The following RNF20 variants were observed in gnomAD, a reference collection of about 807,000 sequenced individuals.
The protein encoded by RNF20 is ring finger protein 20.
In RNF20, 84 loss-of-function variants were observed where a neutral mutation model predicts 126.2. The ratio of observed to expected loss-of-function variants is 0.67; its 90% CI spans 0.56 to 0.80. The LOEUF (loss-of-function observed/expected upper bound fraction) is 0.80, where lower values mean the gene tolerates loss of function less well. Ranked by LOEUF, RNF20 falls within the 30% of genes least tolerant of loss-of-function variation. The pLI is 0.00. For synonymous variants in RNF20, 400 were observed against 414.3 expected (o/e 0.97, Z 0.42); for missense variants, 869 against 1,188.2 (o/e 0.73, Z 3.95).
intron 16 of RNF20, among the ~76,000 whole-genome samples, 193 bp downstream of exon 16, chr9:101,557,789 A>G (rs1283608593): frequency 6.6e-6 from 1 of 152,220 alleles, no homozygotes; most frequent in Non-Finnish European, 1.5e-5. Context: ...AGTACAGTGT[A>G]CTTGTCAAAT....
chr9:101,541,083 TA>T, intron 5 of RNF20, 108 bp downstream of exon 5: 4 of 815,214 alleles, frequency 4.9e-6, no homozygotes, highest in Non-Finnish European at 7.0e-6. Context: ...ATTTATTTAT[TA>T]TTTACTTTTT....
chr9:101,534,937 C>G (rs1169351199), intron 1 of RNF20, among the ~76,000 whole-genome samples: 1 of 149,482 alleles, frequency 6.7e-6, no homozygotes, highest in Non-Finnish European at 1.5e-5. Context: ...AGACGGAGTC[C>G]CGCTCTGTTG....
intron 2 of RNF20, among the ~76,000 whole-genome samples, chr9:101,539,874 C>T (rs1827232588): frequency 1.3e-5 from 2 of 151,946 alleles, no homozygotes; most frequent in Admixed American, 6.6e-5. Flanking sequence ...ATGGTGCTTA[C>T]GAGATAGAAG....
chr9:101,535,064 C>A (rs1197160426), intron 1 of RNF20, among the ~76,000 whole-genome samples: 1 of 151,888 alleles, frequency 6.6e-6, no homozygotes, highest in Non-Finnish European at 1.5e-5. Flanking sequence ...CCCGCCACCA[C>A]GCCTGGCTAA....
At chr9:101,550,184 G>T (rs1360267324) in intron 9 of RNF20, among the ~76,000 whole-genome samples, 3 of 152,210 alleles carry the variant, frequency 2.0e-5, no homozygotes, top group African/African-American at 7.2e-5. Context: ...AAGTGTTTGA[G>T]TAATTAAATC....
rs1564113812 is a variant in RNF20, at chr9:101,562,002, G to A, written c.2742G>A (p.Lys914=). 1.2e-6 allele frequency: 2 copies of A among 1,605,158 alleles called. No homozygotes were observed. The highest frequency in any genetic ancestry group is 1.7e-6 in the Non-Finnish European group (2 of 1,176,150). ...KCDEILMEEI[K]DYKARLTCPC... ...ATGAGATTCTGATGGAAGAGATTAA[G>A]GATTACAAGGTTAGAAAAAATGCCT... Residue 914 remains lysine (K), a synonymous_variant, in exon 19 of 20, where the codon AAG becomes AAA. Coordinates refer to ENST00000389120, the MANE Select transcript of RNF20 (RefSeq NM_019592.7).
chr9:101,550,528 G>A, intron 9 of RNF20, 78 bp from the exon 10 acceptor site: 2 of 1,235,306 alleles, frequency 1.6e-6, no homozygotes, highest in South Asian at 1.4e-5. Flanking sequence ...ACATCAGTGA[G>A]TTCAAAATTT....
rs1401894064 is a variant in RNF20, at chr9:101,557,615, G to A, written c.2382+19G>A. On this transcript the variant is annotated intron_variant, in intron 16 of 19. Coordinates refer to ENST00000389120, the MANE Select transcript of RNF20 (RefSeq NM_019592.7). ...GACTCAGGTAATTAGGATGAGTAGA[G>A]CTTTCTATTCTGTTGAAATAGGGTG... 4 of 1,551,172 alleles carry A rather than the reference G, an allele frequency of 2.6e-6. No individual in the cohort carries two copies. In the African/African-American group the frequency reaches 4.1e-5, roughly 16 times the overall value.
Position 101,552,262 on chromosome 9 carries a change from G to A in RNF20, c.1530G>A (p.Lys510=). The A allele has an allele frequency of 6.2e-7, 1 of 1,614,164 alleles. No homozygotes were observed. The highest frequency in any genetic ancestry group is 8.5e-7 in the Non-Finnish European group (1 of 1,180,014). ...KLREAQSDLN[K]TRLRSGSALL... Reference sequence around the variant, plus strand: ...GAGAAGCCCAGTCTGACCTGAACAAGGTAACCAGAGGGAATAGAATAAATA... The same window carrying A: ...GAGAAGCCCAGTCTGACCTGAACAAAGTAACCAGAGGGAATAGAATAAATA... Residue 510 remains lysine, a splice_region_variant and synonymous_variant, in exon 12 of 20, where the codon AAG becomes AAA. Coordinates refer to ENST00000389120, the MANE Select transcript of RNF20 (RefSeq NM_019592.7).
chr9:101,540,286 A>G lies in RNF20; in HGVS notation c.213A>G (p.Glu71=), dbSNP rs150763272. ...ATCAGCGGCAGGCCATTGAAGATGAACTTCGTGAGCACATTGAAAAACTGG... is the reference window on the plus strand; with the variant it reads ...ATCAGCGGCAGGCCATTGAAGATGAGCTTCGTGAGCACATTGAAAAACTGG... ...MLDQRQAIED[E]LREHIEKLER... is the part of the protein sequence containing the mutation. Residue 71 remains glutamate, a synonymous_variant, in exon 3 of 20, where the codon GAA becomes GAG. Transcript: ENST00000389120. 67 of 1,614,190 alleles carry G rather than the reference A, an allele frequency of 4.2e-5. 1 individual carries two copies. The African/African-American group carries it at 7.6e-4, about 18-fold the overall frequency.
At chr9:101,543,418 AGCGGCACTGTCTAACTCTGCCAGG>A (rs1827289099) in intron 5 of RNF20, among the ~76,000 whole-genome samples, 1 of 110,110 alleles carries the variant, frequency 9.1e-6, no homozygotes, top group African/African-American at 3.3e-5. Flanking sequence ...AACCTGCCAG[AGCGGCACTGTCTAACTCTGCCAGG>A]GCGGCACTGT....
chr9:101,552,917 T>C (rs1230013265), intron 13 of RNF20, among the ~76,000 whole-genome samples, 164 bp downstream of exon 13: 1 of 152,184 alleles, frequency 6.6e-6, no homozygotes, highest in Non-Finnish European at 1.5e-5. Context: ...CCAAAATGGC[T>C]TGCATGGCTA....
intron 6 of RNF20, among the ~76,000 whole-genome samples, chr9:101,546,403 C>A (rs1243381903): frequency 6.6e-6 from 1 of 151,896 alleles, no homozygotes; most frequent in African/African-American, 2.4e-5. Flanking sequence ...AATGGATTAC[C>A]TTTTGTGGGA....
At chr9:101,556,019 T>C (rs921333923) in intron 15 of RNF20, among the ~76,000 whole-genome samples, 1 of 151,968 alleles carries the variant, frequency 6.6e-6, no homozygotes, top group Non-Finnish European at 1.5e-5. Context: ...CTTTTTTTTT[T>C]CTTCCCTCTC....
In RNF20 at chr9:101,552,474, A is replaced by G. The variant is rs777344983; in HGVS notation, c.1622A>G (p.Glu541Gly). The G allele has an allele frequency of 6.2e-7, 1 of 1,613,694 alleles. No individual in the cohort carries two copies. Among genetic ancestry groups the G allele is most frequent in the African/African-American group, 1.3e-5 (1 of 74,912 alleles). ...DEPAELKPDSEDLSSQSSASK... is the reference protein window; with the variant it reads ...DEPAELKPDSGDLSSQSSASK... ...CCTGCGGAGCTAAAACCAGATTCTG[A>G]GGACTTATCCTCCCAGTCCTCAGCT... The change falls in exon 13 of 20, where the codon GAG (glutamate) becomes GGG (glycine). Residue 541 changes from glutamate to glycine, a missense_variant. Coordinates refer to ENST00000389120, the MANE Select transcript of RNF20 (RefSeq NM_019592.7).
At chr9:101,541,343 C>G (rs1340984621) in intron 5 of RNF20, among the ~76,000 whole-genome samples, 4 of 152,232 alleles carry the variant, frequency 2.6e-5, no homozygotes, top group Non-Finnish European at 5.9e-5. Flanking sequence ...GTTAGGATTA[C>G]AGGCATGAGC....
At position 101,548,895 on chromosome 9, in the gene RNF20, C is replaced by G. The variant is rs900640757; in HGVS notation, c.1092+1377C>G. On this transcript the variant is annotated intron_variant, in intron 9 of 19. Transcript: ENST00000389120. ...TATACTGTGGAAGGGAGGCCATTCA[C>G]ATGTCAGTGCTTACCGAAGTGATTC... Among the ~76,000 whole-genome samples, 9 of 152,192 alleles carry G rather than the reference C, an allele frequency of 5.9e-5. No individual in the cohort carries two copies. The South Asian group carries it at 1.2e-3, about 21-fold the overall frequency.
rs749888328 is a variant in RNF20, at chr9:101,544,792, G to T, written c.654G>T (p.Val218=). ...ATAATCTGATAGTGGAGGAAGCAGT[G>T]CAGGAGCTGAACTCTTTCCTCGCAC... ...SGDNLIVEEA[V]QELNSFLAQE... The change falls in exon 6 of 20, where the codon GTG becomes GTT. Residue 218 remains valine (V), a synonymous_variant. Transcript: ENST00000389120. 5.7e-5 allele frequency: 91 copies of T among 1,609,776 alleles called. No homozygotes were observed. The highest frequency in any genetic ancestry group is 7.5e-5 in the Non-Finnish European group (88 of 1,176,258).
At chr9:101,545,635 T>C (rs1440311035) in intron 6 of RNF20, among the ~76,000 whole-genome samples, 44 of 152,236 alleles carry the variant, frequency 2.9e-4, no homozygotes, top group Admixed American at 6.5e-5. Flanking sequence ...CCTGGTTGCA[T>C]GAATATCATC....
Sources: allele counts gnomAD v4.1 joint callset (sites outside exome capture counted in the v4.1 genomes callset), GRCh38; gene constraint gnomAD v4.1.1; transcripts MANE v1.5; gene names NCBI Gene and HGNC (gene_info 2026-07-23, HGNC 2026-07-21).